The following TAFA1 variants were observed in gnomAD, a reference collection of about 807,000 sequenced individuals.
TAFA1 encodes the protein chemokine-like protein TAFA-1.
Under a neutral mutation model 18.5 loss-of-function variants are expected in TAFA1, and 4 were observed. The observed-to-expected ratio is 0.22, with a 90% confidence interval of 0.11 to 0.49. The LOEUF (loss-of-function observed/expected upper bound fraction) is 0.49, where lower values mean the gene tolerates loss of function less well. Ranked by LOEUF, TAFA1 falls within the 20% of genes least tolerant of loss-of-function variation. The pLI, the probability that TAFA1 is intolerant of heterozygous loss-of-function variation, is 0.98. For missense variants in TAFA1, 147 were observed against 169.0 expected, an observed-to-expected ratio of 0.87 and a Z score of 0.72; for synonymous variants, 56 against 55.2, an observed-to-expected ratio of 1.01 and a Z score of -0.06.
chr3:68,417,386 T>C lies in TAFA1; in HGVS notation c.225T>C (p.Ala75=). The C allele has an allele frequency of 1.9e-6, 3 of 1,613,478 alleles. No homozygotes were observed. Among genetic ancestry groups the C allele is most frequent in the East Asian group, 2.2e-5 (1 of 44,830 alleles). ...VKCSCLPGKV[A]GTTRNRPSCV... ...GTTCCTGTCTACCTGGAAAAGTGGCTGGAACAACAAGAAACCGGCCTTCTT... is the reference window on the plus strand; with the variant it reads ...GTTCCTGTCTACCTGGAAAAGTGGCCGGAACAACAAGAAACCGGCCTTCTT... Residue 75 remains alanine (A), a synonymous_variant, in exon 3 of 5, where the codon GCT becomes GCC. Transcript: ENST00000478136.
rs572208037 is a variant in TAFA1, at chr3:68,313,518, C to T, written c.119-103762C>T. 5.3e-5 allele frequency among the ~76,000 whole-genome samples: 8 copies of T among 152,334 alleles called. No individual in the cohort carries two copies. The East Asian group carries it at 1.2e-3, about 22-fold the overall frequency. ...TTAGAACAAGATATTTAAGCATCAT[C>T]TACCCCCGCAAAGTTGTTCAAATAA... On this transcript the variant is annotated intron_variant, in intron 2 of 4. Transcript: ENST00000478136.
chr3:68,531,319 A>G (rs2073185722), intron 3 of TAFA1, among the ~76,000 whole-genome samples: 1 of 152,134 alleles, frequency 6.6e-6, no homozygotes, highest in Non-Finnish European at 1.5e-5. Flanking sequence ...GTTTTAGAGC[A>G]GAGGTGAAAG....
At chr3:68,059,491 A>G (rs1004159801) in intron 2 of TAFA1, among the ~76,000 whole-genome samples, 2 of 152,108 alleles carry the variant, frequency 1.3e-5, no homozygotes, top group African/African-American at 2.4e-5. Context: ...CTAATAAGCT[A>G]CCCTGGAAGG....
At chr3:68,521,266 C>T (rs140816408) in intron 3 of TAFA1, among the ~76,000 whole-genome samples, 1 of 152,154 alleles carries the variant, frequency 6.6e-6, no homozygotes. Context: ...TCTCATAGAC[C>T]AGAATCGTAT....
At chr3:68,475,907 C>T (rs1454682187) in intron 3 of TAFA1, among the ~76,000 whole-genome samples, 1 of 152,156 alleles carries the variant, frequency 6.6e-6, no homozygotes, top group Non-Finnish European at 1.5e-5. Context: ...TCTCTGATGG[C>T]CAGTGATGAG....
intron 3 of TAFA1, among the ~76,000 whole-genome samples, chr3:68,509,371 A>G (rs1045980159): frequency 2.0e-5 from 3 of 152,110 alleles, no homozygotes; most frequent in African/African-American, 4.8e-5. Flanking sequence ...GACACTGACA[A>G]GATTTCCGTC....
chr3:68,469,632 C>G (rs569661434), intron 3 of TAFA1, among the ~76,000 whole-genome samples: 23 of 152,236 alleles, frequency 1.5e-4, no homozygotes, highest in Admixed American at 3.9e-4. Context: ...GAGATAGCAC[C>G]ACTGCACTCC....
At chr3:68,128,181 G>A (rs1404961937) in intron 2 of TAFA1, among the ~76,000 whole-genome samples, 1 of 152,086 alleles carries the variant, frequency 6.6e-6, no homozygotes, top group Non-Finnish European at 1.5e-5. Flanking sequence ...CTCAGACTCA[G>A]GCAGGCTTTC....
intron 2 of TAFA1, among the ~76,000 whole-genome samples, chr3:68,209,030 G>A (rs1041963773): frequency 6.6e-6 from 1 of 151,968 alleles, no homozygotes; most frequent in East Asian, 1.9e-4. Context: ...AAGGGCCTGC[G>A]AGTAACCTCT....
At chr3:68,275,188 T>C (rs1471366880) in intron 2 of TAFA1, among the ~76,000 whole-genome samples, 1 of 151,866 alleles carries the variant, frequency 6.6e-6, no homozygotes, top group Non-Finnish European at 1.5e-5. Flanking sequence ...AAAGCAAGAG[T>C]CCTTCCTTTA....
chr3:68,357,374 G>A (rs965167296), intron 2 of TAFA1, among the ~76,000 whole-genome samples: 31 of 113,750 alleles, frequency 2.7e-4, no homozygotes, highest in Admixed American at 5.6e-4. Flanking sequence ...GGGTCTGTTT[G>A]TTTTCAGAAA....
chr3:68,541,083 G>A (rs999679089), intron 4 of TAFA1, among the ~76,000 whole-genome samples: 4 of 152,306 alleles, frequency 2.6e-5, no homozygotes, highest in Middle Eastern at 3.4e-3. Context: ...CTGTTCTGAC[G>A]TATACATCCT....
intron 2 of TAFA1, among the ~76,000 whole-genome samples, chr3:68,187,860 G>A (rs997346193): frequency 6.6e-6 from 1 of 151,914 alleles, no homozygotes; most frequent in Non-Finnish European, 1.5e-5. Flanking sequence ...GGCCATTTTA[G>A]TGAGTATTAT....
chr3:68,410,311 G>A (rs892194908), intron 2 of TAFA1, among the ~76,000 whole-genome samples: 2 of 152,068 alleles, frequency 1.3e-5, no homozygotes, highest in Admixed American at 1.3e-4. Context: ...TGGGCAAAAG[G>A]AATGAGAAGA....
chr3:68,270,767 G>A (rs1157078996), intron 2 of TAFA1, among the ~76,000 whole-genome samples: 1 of 152,108 alleles, frequency 6.6e-6, no homozygotes, highest in Admixed American at 6.6e-5. Flanking sequence ...CTGGCCCACT[G>A]GCAGCTATGA....
Position 68,065,511 on chromosome 3 carries a change from G to T in TAFA1, c.118+58767G>T, listed in dbSNP as rs115663101. On this transcript the variant is annotated intron_variant, in intron 2 of 4. Coordinates refer to ENST00000478136, the MANE Select transcript of TAFA1 (RefSeq NM_213609.4). ...TTAAAGAAACCCTTGAGGTTATTGAGCACTTTCCTGATGAATGCTTGAATC... is the reference window on the plus strand; with the variant it reads ...TTAAAGAAACCCTTGAGGTTATTGATCACTTTCCTGATGAATGCTTGAATC... Among the ~76,000 whole-genome samples, 237 of 152,162 alleles carry T rather than the reference G, an allele frequency of 1.6e-3. 2 individuals are homozygous for T. The highest frequency in any genetic ancestry group is 4.9e-3 in the African/African-American group (202 of 41,544).
At position 68,109,440 on chromosome 3, in the gene TAFA1, AT is replaced by A. The variant is rs771788865; in HGVS notation, c.118+102697del. 6.6e-5 allele frequency among the ~76,000 whole-genome samples: 10 copies of A among 152,284 alleles called. 1 individual carries two copies. The highest frequency in any genetic ancestry group is 1.7e-4 in the African/African-American group (7 of 41,568). On this transcript the variant is annotated intron_variant, in intron 2 of 4. Coordinates refer to ENST00000478136, the MANE Select transcript of TAFA1 (RefSeq NM_213609.4). ...CATACTTCTTTAAATTGGAAAAAAA[AT>A]ATTTTCAGATTATCTTTGACTGAAG... is the stretch of plus-strand genomic sequence containing the variant.
In TAFA1 at chr3:68,528,158, A is replaced by G. The variant is rs17047807; in HGVS notation, c.260-10598A>G. On this transcript the variant is annotated intron_variant, in intron 3 of 4. Transcript: ENST00000478136. The stretch of plus-strand genomic sequence containing the variant: ...ATGCATACAGAGCTGGATAATAAAC[A>G]CATGGATAAATAATAGTGATAACTG... Among the ~76,000 whole-genome samples, 419 of 152,340 alleles carry G rather than the reference A, an allele frequency of 2.8e-3. 13 individuals are homozygous for G. In the East Asian group the frequency reaches 0.058, roughly 21 times the overall value.
At chr3:68,098,316 G>A (rs986509783) in intron 2 of TAFA1, among the ~76,000 whole-genome samples, 1 of 152,062 alleles carries the variant, frequency 6.6e-6, no homozygotes, top group Non-Finnish European at 1.5e-5. Context: ...CTTAAGAAGA[G>A]CAGAATTTTC....
Sources: gnomAD v4.1 joint callset for allele counts (sites outside exome capture counted in the v4.1 genomes callset) on GRCh38, gnomAD v4.1.1 for gene constraint, MANE v1.5 for transcripts, NCBI Gene and HGNC (gene_info 2026-07-23, HGNC 2026-07-21) for gene names.